Variants in TYW1 observed in about 807,000 individuals in gnomAD.
TYW1 encodes the protein S-adenosyl-L-methionine-dependent tRNA 4-demethylwyosine synthase TYW1.
TYW1 carries 46 observed loss-of-function variants against 96.2 expected under a neutral mutation model. That is an observed-to-expected ratio of 0.48 (90% confidence interval 0.38 to 0.61). The LOEUF (loss-of-function observed/expected upper bound fraction) is 0.61. TYW1 is among the 20% of genes least tolerant of loss of function. TYW1 has a pLI of 0.00. For synonymous variants in TYW1, 274 were observed against 323.0 expected, an observed-to-expected ratio of 0.85 and a Z score of 1.63; for missense variants, 684 against 909.6, an observed-to-expected ratio of 0.75 and a Z score of 3.19.
At chr7:67,170,761 C>T (rs13243148) in intron 13 of TYW1, among the ~76,000 whole-genome samples, 92,518 of 151,964 alleles carry the variant, frequency 0.61, 28,211 homozygotes, top group Middle Eastern at 0.72. Context: ...TTGTGTGTTA[C>T]GTGACTTGCT....
In TYW1 at chr7:67,194,804, GGTGATAA is replaced by G. The variant is rs1800336155; in HGVS notation, c.1810-365_1810-359del. Among the ~76,000 whole-genome samples the G allele has an allele frequency of 2.0e-5, 3 of 147,668 alleles. No individual in the cohort carries two copies. The East Asian group carries it at 5.8e-4, about 29-fold the overall frequency. On this transcript the variant is annotated intron_variant, in intron 14 of 15. Coordinates refer to ENST00000359626, the MANE Select transcript of TYW1 (RefSeq NM_018264.4). Reference sequence around the variant, plus strand: ...CTATGCCCCCATTATTGTCCTAAGGGGTGATAACCCCTTCATAATTCCTCAATTATAG... The same window carrying G: ...CTATGCCCCCATTATTGTCCTAAGGGCCCCTTCATAATTCCTCAATTATAG...
At chr7:67,183,789 T>G (rs1262572131) in intron 14 of TYW1, among the ~76,000 whole-genome samples, 2 of 152,092 alleles carry the variant, frequency 1.3e-5, no homozygotes, top group African/African-American at 4.8e-5. Context: ...TCCTAAAAGA[T>G]TTCTACTCTT....
At chr7:67,057,278 G>T (rs1795550543) in intron 9 of TYW1, among the ~76,000 whole-genome samples, 1 of 151,874 alleles carries the variant, frequency 6.6e-6, no homozygotes, top group Non-Finnish European at 1.5e-5. Flanking sequence ...CTCCCAAAGT[G>T]CTGGGATTAC....
In TYW1 at chr7:67,175,057, T is replaced by C. The variant is rs182996417; in HGVS notation, c.1699-8069T>C. On this transcript the variant is annotated intron_variant, in intron 13 of 15. Coordinates refer to ENST00000359626, the MANE Select transcript of TYW1 (RefSeq NM_018264.4). The stretch of plus-strand genomic sequence containing the variant: ...ACTCCAGGCCCAGATGATTTCATCG[T>C]TGAATTATACCAATTCTTGATGATA... 6.8e-3 allele frequency among the ~76,000 whole-genome samples: 1,029 copies of C among 152,182 alleles called. 12 individuals carry two copies. Among genetic ancestry groups the C allele is most frequent in the African/African-American group, 0.022 (933 of 41,524 alleles).
At chr7:67,220,891 C>A (rs1452429613) in intron 15 of TYW1, among the ~76,000 whole-genome samples, 1 of 152,052 alleles carries the variant, frequency 6.6e-6, no homozygotes, top group African/African-American at 2.4e-5. Context: ...GCATGTGCCA[C>A]CATGCCCAGC....
At chr7:67,170,364 T>G (rs894236261) in intron 13 of TYW1, among the ~76,000 whole-genome samples, 4 of 152,238 alleles carry the variant, frequency 2.6e-5, no homozygotes, top group African/African-American at 9.6e-5. Flanking sequence ...TCACAGTGTT[T>G]GAATCTTCTA....
chr7:67,086,203 T>C (rs1362145127), intron 11 of TYW1, among the ~76,000 whole-genome samples: 1 of 152,180 alleles, frequency 6.6e-6, no homozygotes, highest in Admixed American at 6.5e-5. Context: ...AAGCAGTGTC[T>C]CTTACCAGTG....
intron 3 of TYW1, among the ~76,000 whole-genome samples, chr7:67,001,461 C>A (rs1200997325): frequency 6.6e-6 from 1 of 151,226 alleles, no homozygotes; most frequent in Non-Finnish European, 1.5e-5. Context: ...CTCGCTGTGT[C>A]GCCAGGCTGG....
intron 13 of TYW1, among the ~76,000 whole-genome samples, chr7:67,135,390 C>T (rs62464960): frequency 0.041 from 5,992 of 147,012 alleles, 172 homozygotes; most frequent in Middle Eastern, 0.11. Flanking sequence ...CTGCAACCTC[C>T]GCCTCCTGGG....
chr7:67,137,664 G>C (rs564577920), intron 13 of TYW1, among the ~76,000 whole-genome samples: 1 of 152,234 alleles, frequency 6.6e-6, no homozygotes, highest in African/African-American at 2.4e-5. Flanking sequence ...GACTTGGTCT[G>C]CGTGGCTGAG....
At chr7:67,229,083 T>C (rs34366571) in intron 15 of TYW1, among the ~76,000 whole-genome samples, 40,787 of 152,060 alleles carry the variant, frequency 0.27, 5,837 homozygotes, top group African/African-American at 0.36. Context: ...AAAGGCAGAG[T>C]ACACTGACTT....
intron 14 of TYW1, among the ~76,000 whole-genome samples, chr7:67,186,288 C>A (rs113399856): frequency 9.7e-6 from 1 of 103,188 alleles, no homozygotes; most frequent in Non-Finnish European, 1.9e-5. Flanking sequence ...ACCTCTCCCC[C>A]CTCCTTTCTT....
intron 6 of TYW1, among the ~76,000 whole-genome samples, chr7:67,019,994 T>G (rs1194434485): frequency 6.6e-6 from 1 of 152,274 alleles, no homozygotes; most frequent in East Asian, 1.9e-4. Context: ...GACAGATGTT[T>G]CATTCCAATT....
chr7:67,195,791 T>A (rs893377197), intron 15 of TYW1, among the ~76,000 whole-genome samples: 2 of 136,474 alleles, frequency 1.5e-5, no homozygotes, highest in Non-Finnish European at 3.1e-5. Flanking sequence ...ATAACACTAT[T>A]TCCATTTTTC....
chr7:67,050,109 G>T (rs776690919), intron 8 of TYW1, 43 bp downstream of exon 8: 1 of 1,604,396 alleles, frequency 6.2e-7, no homozygotes, highest in Non-Finnish European at 8.5e-7. Context: ...TGTAGTCTTA[G>T]GCATTCTCAT....
intron 13 of TYW1, among the ~76,000 whole-genome samples, chr7:67,167,828 C>T (rs1240727936): frequency 6.6e-6 from 1 of 151,964 alleles, no homozygotes; most frequent in African/African-American, 2.4e-5. Context: ...GATCTCAGTT[C>T]ACTGCAACCT....
intron 13 of TYW1, among the ~76,000 whole-genome samples, chr7:67,149,819 C>T (rs1798743256): frequency 1.3e-5 from 2 of 151,390 alleles, no homozygotes; most frequent in South Asian, 4.2e-4. Context: ...ATTCATTTCT[C>T]CTCCTAACAC....
chr7:67,125,006 T>C (rs1797870859), intron 13 of TYW1, among the ~76,000 whole-genome samples: 1 of 152,168 alleles, frequency 6.6e-6, no homozygotes, highest in African/African-American at 2.4e-5. Flanking sequence ...GCTAATTTTA[T>C]ATTTTTAGTA....
intron 9 of TYW1, among the ~76,000 whole-genome samples, chr7:67,057,763 T>C (rs1795569955): frequency 1.3e-5 from 2 of 152,264 alleles, no homozygotes; most frequent in African/African-American, 4.8e-5. Context: ...CTCTATATTA[T>C]TGATTTCTAG....
Sources: allele counts gnomAD v4.1 joint callset (sites outside exome capture counted in the v4.1 genomes callset), GRCh38; gene constraint gnomAD v4.1.1; transcripts MANE v1.5; gene names NCBI Gene and HGNC (gene_info 2026-07-23, HGNC 2026-07-21).